Variants in SEMA3E observed in about 807,000 individuals in gnomAD.
SEMA3E encodes semaphorin 3E, also known as semaphorin-3E.
A neutral mutation model predicts 93.6 loss-of-function variants in SEMA3E; 49 were observed. That is an observed-to-expected ratio of 0.52 (90% CI 0.42 to 0.66). SEMA3E has a LOEUF of 0.66. Ranked by LOEUF, SEMA3E falls within the 30% of genes least tolerant of loss-of-function variation. The pLI is 0.00. For missense variants in SEMA3E, 906 were observed against 964.8 expected (o/e 0.94, Z 0.81); for synonymous variants, 363 against 330.7 (o/e 1.10, Z -1.06).
intron 2 of SEMA3E, among the ~76,000 whole-genome samples, chr7:83,488,754 G>T (rs1309713139): frequency 2.0e-5 from 3 of 152,076 alleles, no homozygotes; most frequent in Non-Finnish European, 4.4e-5. Context: ...TGATGGTGAA[G>T]CTAAGCTCCA....
At chr7:83,618,128 A>G (rs1212178147) in intron 1 of SEMA3E, among the ~76,000 whole-genome samples, 1 of 152,142 alleles carries the variant, frequency 6.6e-6, no homozygotes, top group Non-Finnish European at 1.5e-5. Flanking sequence ...GAAAGAAGTC[A>G]GAGTAAGAAA....
intron 1 of SEMA3E, among the ~76,000 whole-genome samples, chr7:83,595,730 T>C (rs1368828128): frequency 6.6e-6 from 1 of 152,056 alleles, no homozygotes; most frequent in Non-Finnish European, 1.5e-5. Context: ...ATTGATGTAG[T>C]GCATTATTGG....
chr7:83,448,669 TA>T (rs1397348089), intron 4 of SEMA3E, among the ~76,000 whole-genome samples: 1 of 152,226 alleles, frequency 6.6e-6, no homozygotes, highest in African/African-American at 2.4e-5. Flanking sequence ...TCAGATCCTT[TA>T]AAGAAAATTT....
intron 1 of SEMA3E, among the ~76,000 whole-genome samples, chr7:83,581,808 T>A (rs532709884): frequency 3.3e-5 from 5 of 151,772 alleles, no homozygotes; most frequent in Admixed American, 6.6e-5. Context: ...TCTGTCAGAG[T>A]GTACAGTCAA....
intron 1 of SEMA3E, among the ~76,000 whole-genome samples, chr7:83,631,879 G>A (rs776140071): frequency 1.3e-5 from 2 of 152,176 alleles, no homozygotes; most frequent in Non-Finnish European, 2.9e-5. Flanking sequence ...TGGTTGGCCG[G>A]GCACAGTGGC....
intron 4 of SEMA3E, among the ~76,000 whole-genome samples, chr7:83,458,327 A>G (rs1299946504): frequency 6.6e-6 from 1 of 151,536 alleles, no homozygotes; most frequent in African/African-American, 2.4e-5. Context: ...AAATGATGAT[A>G]AACTATATAT....
At chr7:83,456,941 GA>G (rs1405604079) in intron 4 of SEMA3E, among the ~76,000 whole-genome samples, 1 of 152,040 alleles carries the variant, frequency 6.6e-6, no homozygotes. Context: ...TTAAATTAAT[GA>G]TATTATTACA....
At position 83,367,416 on chromosome 7, in the gene SEMA3E, T is replaced by A. The variant is rs1403313814; in HGVS notation, c.*170A>T. 3 of 673,642 alleles carry A rather than the reference T, an allele frequency of 4.5e-6. No individual in the cohort carries two copies. The highest frequency in any genetic ancestry group is 1.8e-5 in the African/African-American group (1 of 54,898). The allele number at this position is 673,642 out of a possible 1,614,324, so 41.7% of individuals were successfully genotyped here. The stretch of plus-strand genomic sequence containing the variant: ...AAAAATTAGTTAATTTTATGTAAAG[T>A]TTATCCAGTCAAATGAGTATGTAGA... On this transcript the variant is annotated 3_prime_UTR_variant, in exon 17 of 17. Transcript: ENST00000643230.
intron 14 of SEMA3E, among the ~76,000 whole-genome samples, chr7:83,388,357 TATAAC>T (rs146693166): frequency 0.12 from 17,877 of 148,168 alleles, 1,123 homozygotes; most frequent in East Asian, 0.15. Flanking sequence ...AAATATATAA[TATAAC>T]ATTATATATA....
At chr7:83,615,735 T>C (rs986078088) in intron 1 of SEMA3E, among the ~76,000 whole-genome samples, 4 of 152,146 alleles carry the variant, frequency 2.6e-5, no homozygotes, top group Non-Finnish European at 5.9e-5. Context: ...ATACTTCTAT[T>C]GCTGTAAGTG....
intron 1 of SEMA3E, among the ~76,000 whole-genome samples, chr7:83,568,892 A>G (rs766960677): frequency 1.3e-5 from 2 of 152,142 alleles, no homozygotes; most frequent in Admixed American, 1.3e-4. Context: ...ACAAGAGGAC[A>G]AAAAGAACAA....
intron 1 of SEMA3E, among the ~76,000 whole-genome samples, chr7:83,610,221 GT>G (rs777763862): frequency 6.6e-6 from 1 of 151,950 alleles, no homozygotes; most frequent in Non-Finnish European, 1.5e-5. Flanking sequence ...TGTCTTTCTA[GT>G]TTTCTAATTT....
chr7:83,501,951 C>A (rs1053879191), intron 1 of SEMA3E, among the ~76,000 whole-genome samples: 1 of 152,068 alleles, frequency 6.6e-6, no homozygotes, highest in Admixed American at 6.6e-5. Context: ...TCTATCTTGA[C>A]CCCCAAATCC....
At chr7:83,627,891 G>A (rs1003513637) in intron 1 of SEMA3E, among the ~76,000 whole-genome samples, 2 of 152,070 alleles carry the variant, frequency 1.3e-5, no homozygotes, top group African/African-American at 4.8e-5. Context: ...CCCGTTAGTT[G>A]ATGCGGTTAC....
chr7:83,597,843 T>G (rs1375769730), intron 1 of SEMA3E, among the ~76,000 whole-genome samples: 1 of 152,204 alleles, frequency 6.6e-6, no homozygotes, highest in African/African-American at 2.4e-5. Flanking sequence ...TATAGAACTT[T>G]TATATTTCAT....
chr7:83,528,404 C>T (rs1791212021), intron 1 of SEMA3E, among the ~76,000 whole-genome samples: 1 of 152,054 alleles, frequency 6.6e-6, no homozygotes, highest in Non-Finnish European at 1.5e-5. Context: ...ATGATAAGGA[C>T]TGTTTAAGAC....
chr7:83,584,668 G>C (rs376388931), intron 1 of SEMA3E, among the ~76,000 whole-genome samples: 35 of 152,096 alleles, frequency 2.3e-4, no homozygotes, highest in African/African-American at 8.5e-4. Flanking sequence ...TCACTCCCCA[G>C]AGTAGCTACA....
chr7:83,480,705 C>G (rs935425104), intron 2 of SEMA3E, among the ~76,000 whole-genome samples: 1 of 152,046 alleles, frequency 6.6e-6, no homozygotes, highest in Non-Finnish European at 1.5e-5. Context: ...TTTACTGAAT[C>G]TATTTAAGTC....
At chr7:83,469,644 G>A (rs1304673244) in intron 2 of SEMA3E, among the ~76,000 whole-genome samples, 1 of 151,888 alleles carries the variant, frequency 6.6e-6, no homozygotes, top group Non-Finnish European at 1.5e-5. Context: ...AGTTTCTTGT[G>A]TTTTTACTAC....
Sources: gnomAD v4.1 joint callset for allele counts (sites outside exome capture counted in the v4.1 genomes callset) on GRCh38, gnomAD v4.1.1 for gene constraint, MANE v1.5 for transcripts, NCBI Gene and HGNC (gene_info 2026-07-23, HGNC 2026-07-21) for gene names.